PLXNA4: variants seen among roughly 807,000 people sequenced by gnomAD.
The protein encoded by PLXNA4 is plexin-A4.
PLXNA4 carries 44 observed loss-of-function variants against 191.8 expected under a neutral mutation model. The observed-to-expected ratio is 0.23, with a 90% confidence interval of 0.18 to 0.29. The LOEUF is 0.29. Among genes scored for constraint, PLXNA4 ranks in the 10% least tolerant of loss-of-function variants. The pLI, the probability that PLXNA4 is intolerant of heterozygous loss-of-function variation, is 1.00. For missense variants in PLXNA4, 1,800 were observed against 2,488.8 expected (o/e 0.72, Z 5.89); for synonymous variants, 1,082 against 1,009.5 (o/e 1.07, Z -1.36).
intron 3 of PLXNA4, among the ~76,000 whole-genome samples, chr7:132,487,832 T>G (rs952572401): frequency 6.6e-6 from 1 of 152,166 alleles, no homozygotes; most frequent in African/African-American, 2.4e-5. Context: ...GTTCAATATG[T>G]GAACAAAAAT....
intron 4 of PLXNA4, among the ~76,000 whole-genome samples, chr7:132,256,650 T>C (rs1799442109): frequency 1.3e-5 from 2 of 152,188 alleles, no homozygotes; most frequent in South Asian, 4.1e-4. Flanking sequence ...AAGATGCTGG[T>C]GCCTGGGCCA....
intron 4 of PLXNA4, among the ~76,000 whole-genome samples, chr7:132,249,893 C>T (rs531568171): frequency 3.9e-5 from 6 of 152,208 alleles, no homozygotes; most frequent in Admixed American, 1.3e-4. Flanking sequence ...GCCCCACCTA[C>T]GGGCAGATCA....
chr7:132,276,947 T>C (rs1800304821), intron 4 of PLXNA4, among the ~76,000 whole-genome samples: 1 of 152,156 alleles, frequency 6.6e-6, no homozygotes, highest in Admixed American at 6.5e-5. Flanking sequence ...AGCCCCTAGA[T>C]GGATTCATCG....
At chr7:132,205,860 A>G (rs1021473527) in intron 10 of PLXNA4, among the ~76,000 whole-genome samples, 16 of 152,222 alleles carry the variant, frequency 1.1e-4, no homozygotes, top group Non-Finnish European at 1.8e-4. Context: ...CAGGAGTGTT[A>G]GTCAAAAATC....
At chr7:132,367,816 C>T (rs1409713600) in intron 3 of PLXNA4, 1 of 152,200 alleles carries the variant, frequency 6.6e-6, no homozygotes, top group Non-Finnish European at 1.5e-5. Context: ...GAGCCAGATG[C>T]TTTAACTGAA....
intron 24 of PLXNA4, among the ~76,000 whole-genome samples, chr7:132,161,445 C>A (rs977463137): frequency 6.6e-5 from 10 of 152,238 alleles, no homozygotes; most frequent in African/African-American, 2.4e-4. Context: ...AGTTTGTGGA[C>A]AAGCTGCCTC....
At chr7:132,238,531 G>A (rs537402913) in intron 5 of PLXNA4, among the ~76,000 whole-genome samples, 29 of 152,276 alleles carry the variant, frequency 1.9e-4, no homozygotes, top group South Asian at 1.7e-3. Flanking sequence ...CTTGAGCAAC[G>A]AGGTGCCAGC....
At chr7:132,433,224 C>T (rs558580541) in intron 3 of PLXNA4, among the ~76,000 whole-genome samples, 27 of 152,276 alleles carry the variant, frequency 1.8e-4, no homozygotes, top group Middle Eastern at 6.8e-3. Context: ...GATCACTCAC[C>T]GCTTTTGACA....
chr7:132,497,348 T>C (rs1798067343), intron 2 of PLXNA4, among the ~76,000 whole-genome samples: 1 of 152,214 alleles, frequency 6.6e-6, no homozygotes, highest in Non-Finnish European at 1.5e-5. Flanking sequence ...ATCTCAAATA[T>C]GACGGCTGAC....
intron 1 of PLXNA4, among the ~76,000 whole-genome samples, chr7:132,549,584 G>T (rs1182691291): frequency 2.0e-5 from 3 of 152,158 alleles, no homozygotes; most frequent in East Asian, 3.9e-4. Flanking sequence ...AAAAGTGAGT[G>T]GACCCTAAAA....
intron 2 of PLXNA4, among the ~76,000 whole-genome samples, chr7:132,500,727 A>G (rs568902984): frequency 3.3e-5 from 5 of 152,228 alleles, no homozygotes; most frequent in South Asian, 4.1e-4. Flanking sequence ...TGAGTGTCCT[A>G]TGAATATAAG....
At position 132,146,606 on chromosome 7, in the gene PLXNA4, G is replaced by T; in HGVS notation, c.4959C>A (p.His1653Gln). Residue 1653 changes from histidine (H) to glutamine (Q), a missense_variant, in exon 28 of 32, where the codon CAC (histidine) becomes CAA (glutamine). His to Gln is a conservative substitution (Grantham distance 24, BLOSUM62 0). Transcript: ENST00000321063. ...PDLESGVKMW[H>Q]LVKNHEHGDQ... ...CTCCGTGCTCGTGGTTCTTCACTAGGTGCCACATCTTGACTCCACTCTCCA... is the reference window on the plus strand; with the variant it reads ...CTCCGTGCTCGTGGTTCTTCACTAGTTGCCACATCTTGACTCCACTCTCCA... The T allele has an allele frequency of 6.2e-7, 1 of 1,614,150 alleles. No individual in the cohort carries two copies. Among genetic ancestry groups the T allele is most frequent in the Non-Finnish European group, 8.5e-7 (1 of 1,180,028 alleles).
chr7:132,489,798 C>T (rs1038507120), intron 2 of PLXNA4, among the ~76,000 whole-genome samples: 3 of 151,770 alleles, frequency 2.0e-5, no homozygotes, highest in Admixed American at 6.6e-5. Flanking sequence ...ATCATCCTCA[C>T]GTGGAAAAGC....
intron 1 of PLXNA4, among the ~76,000 whole-genome samples, chr7:132,546,248 C>T (rs1202403918): frequency 6.6e-6 from 1 of 152,172 alleles, no homozygotes; most frequent in Admixed American, 6.5e-5. Context: ...TGTGGAAATG[C>T]AGGAATAGAT....
intron 3 of PLXNA4, among the ~76,000 whole-genome samples, chr7:132,342,643 C>A (rs1359478285): frequency 6.6e-5 from 10 of 152,018 alleles, no homozygotes; most frequent in African/African-American, 2.4e-4. Flanking sequence ...TATATGTTTT[C>A]CCTCAGAAGA....
intron 2 of PLXNA4, among the ~76,000 whole-genome samples, chr7:132,626,688 CCT>C (rs1803381961): frequency 6.6e-6 from 1 of 152,166 alleles, no homozygotes; most frequent in Non-Finnish European, 1.5e-5. Flanking sequence ...GCCAATTAAA[CCT>C]CTTTTTTTTA....
intron 2 of PLXNA4, among the ~76,000 whole-genome samples, chr7:132,607,329 C>A (rs1381892280): frequency 6.6e-6 from 1 of 152,120 alleles, no homozygotes; most frequent in South Asian, 2.1e-4. Flanking sequence ...CACCTTCTCC[C>A]CCTCCTGCCT....
In PLXNA4 at chr7:132,168,460, C is replaced by T; in HGVS notation, c.4130G>A (p.Ser1377Asn). ...GTTGCCACGGTCGCGCATGGAGAAG[C>T]TACGCTGGGACTCAAGCGTGCGGAT... ...SFIRTLESQR[S>N]FSMRDRGNVA... Residue 1377 changes from serine to asparagine, a missense_variant, in exon 22 of 32, where the codon AGC becomes AAC. This residue lies in a region of PLXNA4 where 1,397 missense variants were observed against 1,880.4 expected (regional missense o/e 0.74). Coordinates refer to ENST00000321063, the MANE Select transcript of PLXNA4 (RefSeq NM_020911.2). 1 of 1,614,038 alleles carries T rather than the reference C, an allele frequency of 6.2e-7. No individual in the cohort carries two copies. The highest frequency in any genetic ancestry group is 1.1e-5 in the South Asian group (1 of 91,076).
At chr7:132,588,644 G>GGGAAT (rs1802546000) in intron 2 of PLXNA4, among the ~76,000 whole-genome samples, 3 of 96,634 alleles carry the variant, frequency 3.1e-5, no homozygotes, top group Non-Finnish European at 5.9e-5. Flanking sequence ...AGGAAGGGAA[G>GGGAAT]GGAAGGGAAG....
Sources: allele counts gnomAD v4.1 joint callset (sites outside exome capture counted in the v4.1 genomes callset), GRCh38; gene constraint gnomAD v4.1.1; regional missense constraint gnomAD v4.1.1; transcripts MANE v1.5; gene names NCBI Gene and HGNC (gene_info 2026-07-23, HGNC 2026-07-21).